Variants in RPGRIP1 observed in about 807,000 individuals in gnomAD.
RPGRIP1 encodes RPGR interacting protein 1, also known as X-linked retinitis pigmentosa GTPase regulator-interacting protein 1.
Under a neutral mutation model 157.9 loss-of-function variants are expected in RPGRIP1, and 128 were observed. The observed-to-expected ratio is 0.81, with a 90% CI of 0.70 to 0.94. The LOEUF is 0.94. Ranked by LOEUF, RPGRIP1 falls within the 40% of genes least tolerant of loss-of-function variation. RPGRIP1 has a pLI of 0.00. For synonymous variants in RPGRIP1, 554 were observed against 571.6 expected (o/e 0.97, Z 0.44); for missense variants, 1,486 against 1,545.8 (o/e 0.96, Z 0.65).
At chr14:21,308,121 G>A (rs1233884888) in intron 7 of RPGRIP1, among the ~76,000 whole-genome samples, 1 of 152,156 alleles carries the variant, frequency 6.6e-6, no homozygotes, top group Non-Finnish European at 1.5e-5. Flanking sequence ...GGTCCCCTAC[G>A]AAGACCACAA....
intron 10 of RPGRIP1, among the ~76,000 whole-genome samples, chr14:21,314,948 C>T (rs968314647): frequency 1.3e-5 from 2 of 150,886 alleles, no homozygotes; most frequent in Non-Finnish European, 3.0e-5. Flanking sequence ...TGCTTGGACC[C>T]GGGAGGTGGA....
intron 13 of RPGRIP1, 122 bp downstream of exon 13, chr14:21,321,524 G>A (rs1470314775): frequency 1.6e-5 from 24 of 1,471,838 alleles, no homozygotes; most frequent in Non-Finnish European, 2.0e-5. Context: ...GCTATCCTGA[G>A]CAAACACACA....
intron 17 of RPGRIP1, among the ~76,000 whole-genome samples, chr14:21,327,372 T>G (rs1289335572): frequency 6.6e-6 from 1 of 152,158 alleles, no homozygotes; most frequent in Non-Finnish European, 1.5e-5. Flanking sequence ...CTGTACTCCT[T>G]TTCATACACC....
chr14:21,318,399 A>G (rs1020032288), intron 11 of RPGRIP1, among the ~76,000 whole-genome samples: 2 of 152,036 alleles, frequency 1.3e-5, no homozygotes, highest in Admixed American at 1.3e-4. Context: ...GGCGTGCGCC[A>G]CTGTGCCCGA....
Position 21,351,244 on chromosome 14 carries a change from GTC to G in RPGRIP1, c.*32_*33del. On this transcript the variant is annotated 3_prime_UTR_variant, in exon 25 of 25. Coordinates refer to ENST00000400017, the MANE Select transcript of RPGRIP1 (RefSeq NM_020366.4). ...GAACAAGTGCTATTCCAATCTAAAA[GTC>G]TCTGAGGGAACCATAGTAAAAAGTC... The G allele has an allele frequency of 7.3e-7, 1 of 1,368,270 alleles. No homozygotes were observed. The highest frequency in any genetic ancestry group is 1.0e-6 in the Non-Finnish European group (1 of 968,782). The allele number at this position is 1,368,270 out of a possible 1,614,324, so 84.8% of individuals were successfully genotyped here.
chr14:21,315,974 G>C (rs1268090238), intron 10 of RPGRIP1, among the ~76,000 whole-genome samples: 1 of 107,394 alleles, frequency 9.3e-6, no homozygotes, highest in Admixed American at 1.0e-4. Flanking sequence ...AATTTTTGTG[G>C]TTTTTTTTTT....
chr14:21,349,206 G>A (rs569828219), intron 24 of RPGRIP1, among the ~76,000 whole-genome samples: 1 of 150,380 alleles, frequency 6.6e-6, no homozygotes, highest in South Asian at 2.1e-4. Flanking sequence ...GGGTAGCTGG[G>A]ACTACAGGCA....
In RPGRIP1 at chr14:21,307,774, C is replaced by G. The variant is rs781398129; in HGVS notation, c.844C>G (p.Leu282Val). ...GGTAGAGCTGATTCGACTTAAGAAGCTCTTACATGAAAGAAATGCTTCATT... is the reference window on the plus strand; with the variant it reads ...GGTAGAGCTGATTCGACTTAAGAAGGTCTTACATGAAAGAAATGCTTCATT... The part of the protein sequence containing the change: ...EKVELIRLKK[L>V]LHERNASLVM... Residue 282 changes from leucine to valine, a missense_variant, in exon 7 of 25, where the codon CTC (leucine) becomes GTC (valine). By Grantham distance (32) the Leu-to-Val change is conservative. Coordinates refer to ENST00000400017, the MANE Select transcript of RPGRIP1 (RefSeq NM_020366.4). The G allele has an allele frequency of 1.3e-6, 2 of 1,569,212 alleles. No homozygotes were observed. Among genetic ancestry groups the G allele is most frequent in the African/African-American group, 2.7e-5 (2 of 73,938 alleles).
rs1882941693 is a variant in RPGRIP1, at chr14:21,325,216, A to G, written c.2216-16A>G. 1.3e-6 allele frequency: 2 copies of G among 1,589,960 alleles called. No individual in the cohort carries two copies. The highest frequency in any genetic ancestry group is 1.4e-5 in the African/African-American group (1 of 73,558). ...CCATCTGTATTCCCCCTGCTTTCAC[A>G]CTTTCTGCTACCCAGGAGCTGGTGG... On this transcript the variant is annotated splice_polypyrimidine_tract_variant and intron_variant, in intron 15 of 24. Transcript: ENST00000400017.
chr14:21,298,799 G>A (rs896205858), intron 3 of RPGRIP1, among the ~76,000 whole-genome samples: 2 of 151,670 alleles, frequency 1.3e-5, no homozygotes, highest in African/African-American at 2.4e-5. Flanking sequence ...AATTAGCTGG[G>A]TGTGGTGGTG....
Position 21,341,751 on chromosome 14 carries a change from G to A in RPGRIP1, c.3340-1285G>A, listed in dbSNP as rs145654085. 3.9e-3 allele frequency among the ~76,000 whole-genome samples: 593 copies of A among 152,142 alleles called. 4 individuals are homozygous for A. Among genetic ancestry groups the A allele is most frequent in the Admixed American group, 7.3e-3 (112 of 15,260 alleles). On this transcript the variant is annotated intron_variant, in intron 21 of 24. Transcript: ENST00000400017. ...GGGTGATGGCAGCGACTGTGAAGTGGGATTGAAAATATTGGAGTTCCTGGC... is the reference window on the plus strand; with the variant it reads ...GGGTGATGGCAGCGACTGTGAAGTGAGATTGAAAATATTGGAGTTCCTGGC...
chr14:21,349,671 TGG>T (rs1885977937), intron 24 of RPGRIP1, among the ~76,000 whole-genome samples: 1 of 152,124 alleles, frequency 6.6e-6, no homozygotes, highest in Admixed American at 6.5e-5. Context: ...CCCAAAGTGC[TGG>T]GATTACAGGC....
intron 24 of RPGRIP1, among the ~76,000 whole-genome samples, chr14:21,348,904 G>A (rs1487163985): frequency 6.6e-6 from 1 of 151,586 alleles, no homozygotes. Context: ...CAAGTGATCT[G>A]CTTGCCTTGG....
At chr14:21,297,081 TTTTTGTTTTG>T (rs567474280) in intron 3 of RPGRIP1, among the ~76,000 whole-genome samples, 13 of 152,136 alleles carry the variant, frequency 8.5e-5, no homozygotes, top group Non-Finnish European at 1.0e-4. Flanking sequence ...GTGGAATCTC[TTTTTGTTTTG>T]TTTTGTTTTG....
intron 13 of RPGRIP1, 94 bp from the exon 14 acceptor site, chr14:21,321,760 T>G: frequency 8.2e-7 from 1 of 1,226,748 alleles, no homozygotes; most frequent in Non-Finnish European, 1.1e-6. Flanking sequence ...CAGCTAAGGA[T>G]AGCAGTCTTC....
chr14:21,294,847 T>C lies in RPGRIP1; in HGVS notation c.218+38T>C, dbSNP rs773027748. 3.8e-5 allele frequency: 53 copies of C among 1,398,576 alleles called. No homozygotes were observed. In the African/African-American group the frequency reaches 7.4e-4, roughly 19 times the overall value. The allele number at this position is 1,398,576 out of a possible 1,614,324, so 86.6% of individuals were successfully genotyped here. ...CTCCTTAAATTTTTTTTTTTTTTTT[T>C]TTTTTTTTTTTTTTTGAGACGGAGC... On this transcript the variant is annotated intron_variant, in intron 3 of 24. Coordinates refer to ENST00000400017, the MANE Select transcript of RPGRIP1 (RefSeq NM_020366.4).
intron 2 of RPGRIP1, among the ~76,000 whole-genome samples, chr14:21,291,357 C>A (rs1038773464): frequency 5.9e-5 from 9 of 152,066 alleles, no homozygotes; most frequent in Admixed American, 4.6e-4. Context: ...AACCGTTGTT[C>A]AGGAACTACC....
At chr14:21,297,883 T>TC (rs1594170266) in intron 3 of RPGRIP1, among the ~76,000 whole-genome samples, 1 of 151,746 alleles carries the variant, frequency 6.6e-6, no homozygotes, top group Non-Finnish European at 1.5e-5. Context: ...CTTTCTTTTT[T>TC]TTGAGATAGG....
At chr14:21,304,410 A>G (rs542356729) in intron 6 of RPGRIP1, among the ~76,000 whole-genome samples, 11 of 149,920 alleles carry the variant, frequency 7.3e-5, no homozygotes, top group South Asian at 2.1e-4. Context: ...AAAGAAAGAA[A>G]GAAAGAAAGA....
Sources: allele counts gnomAD v4.1 joint callset (sites outside exome capture counted in the v4.1 genomes callset), GRCh38; gene constraint gnomAD v4.1.1; transcripts MANE v1.5; gene names NCBI Gene and HGNC (gene_info 2026-07-23, HGNC 2026-07-21).